Variants in UMAD1 observed in about 807,000 individuals in gnomAD.
UMAD1 encodes UBAP1-MVB12-associated (UMA) domain containing 1.
Under a neutral mutation model 6.1 loss-of-function variants are expected in UMAD1, and 8 were observed. The observed-to-expected ratio is 1.30, with a 90% CI of 0.76 to 2.35. The LOEUF is 2.35. Ranked by LOEUF, UMAD1 falls within the 30% of genes most tolerant of loss-of-function variation. UMAD1 has a pLI of 0.00. For missense variants in UMAD1, 130 were observed against 78.4 expected (o/e 1.66, Z -2.49); for synonymous variants, 56 against 31.4 (o/e 1.78, Z -2.61).
chr7:7,654,006 T>A (rs1003626714), intron 1 of UMAD1, among the ~76,000 whole-genome samples: 1 of 152,166 alleles, frequency 6.6e-6, no homozygotes, highest in Non-Finnish European at 1.5e-5. Context: ...ATTAGTAGAT[T>A]GAGGGGAGAC....
At chr7:7,855,840 C>T (rs922117762) in intron 3 of UMAD1, among the ~76,000 whole-genome samples, 5 of 152,180 alleles carry the variant, frequency 3.3e-5, no homozygotes, top group African/African-American at 9.7e-5. Context: ...CTCTTGAATG[C>T]TTTGCTGCTT....
At chr7:7,745,876 C>T (rs972074691) in intron 2 of UMAD1, among the ~76,000 whole-genome samples, 7 of 152,086 alleles carry the variant, frequency 4.6e-5, no homozygotes, top group Admixed American at 1.3e-4. Context: ...CTTGTCTTTT[C>T]CTGGGCTGTT....
At chr7:7,831,566 T>C (rs982073201) in intron 3 of UMAD1, among the ~76,000 whole-genome samples, 2 of 152,160 alleles carry the variant, frequency 1.3e-5, no homozygotes, top group Non-Finnish European at 2.9e-5. Context: ...CTCTTTTTTG[T>C]TGATTACGTG....
chr7:7,739,946 C>T (rs1781430308), intron 2 of UMAD1, among the ~76,000 whole-genome samples: 1 of 152,238 alleles, frequency 6.6e-6, no homozygotes, highest in Non-Finnish European at 1.5e-5. Context: ...AGCATCCTTG[C>T]TACCTGTGTC....
chr7:7,857,373 G>C lies in UMAD1; in HGVS notation c.157-19908G>C, dbSNP rs1583876848. On this transcript the variant is annotated intron_variant, in intron 3 of 3. Transcript: ENST00000682710. ...GGGCCCAGATCATGTGTTTCAGCCTGTTAAAGGCAAGGTATATTTTCATTT... is the reference window on the plus strand; with the variant it reads ...GGGCCCAGATCATGTGTTTCAGCCTCTTAAAGGCAAGGTATATTTTCATTT... 2.0e-5 allele frequency among the ~76,000 whole-genome samples: 3 copies of C among 152,322 alleles called. No individual in the cohort carries two copies. The South Asian group carries it at 6.2e-4, about 32-fold the overall frequency.
intron 2 of UMAD1, among the ~76,000 whole-genome samples, chr7:7,781,449 T>C (rs1782342722): frequency 6.6e-6 from 1 of 152,054 alleles, no homozygotes; most frequent in Non-Finnish European, 1.5e-5. Context: ...ATTGCATTGC[T>C]GGCATTTTCT....
chr7:7,783,174 G>C (rs1782385123), intron 2 of UMAD1, among the ~76,000 whole-genome samples: 1 of 152,240 alleles, frequency 6.6e-6, no homozygotes, highest in Non-Finnish European at 1.5e-5. Context: ...GTAAGAGACA[G>C]GCTGGTTGCA....
chr7:7,760,202 G>A (rs1781857644), intron 2 of UMAD1, among the ~76,000 whole-genome samples: 1 of 151,946 alleles, frequency 6.6e-6, no homozygotes, highest in Admixed American at 6.6e-5. Context: ...CAACTTTCTA[G>A]CCATTCTACC....
At chr7:7,716,525 G>A (rs1780908412) in intron 2 of UMAD1, among the ~76,000 whole-genome samples, 1 of 152,216 alleles carries the variant, frequency 6.6e-6, no homozygotes, top group Admixed American at 6.5e-5. Context: ...AGGGCCACTT[G>A]GAAGCCAGGT....
At chr7:7,778,398 T>G (rs1583818208) in intron 2 of UMAD1, among the ~76,000 whole-genome samples, 1 of 152,038 alleles carries the variant, frequency 6.6e-6, no homozygotes, top group African/African-American at 2.4e-5. Context: ...AAATTTTCTG[T>G]AGATTTAAAG....
chr7:7,719,466 CAT>C (rs1412523156), intron 2 of UMAD1, among the ~76,000 whole-genome samples: 3 of 152,188 alleles, frequency 2.0e-5, no homozygotes, highest in Admixed American at 6.5e-5. Context: ...CTCATGAGCA[CAT>C]GTTTCTTCAA....
rs1428704312 is a variant in UMAD1, at chr7:7,867,451, A to G, written c.157-9830A>G. Among the ~76,000 whole-genome samples, 5 of 152,288 alleles carry G rather than the reference A, an allele frequency of 3.3e-5. No homozygotes were observed. In the South Asian group the frequency reaches 6.2e-4, roughly 19 times the overall value. On this transcript the variant is annotated intron_variant, in intron 3 of 3. Transcript: ENST00000682710. Reference sequence around the variant, plus strand: ...AACACCATCACTTGAGAAATAGACAAAAAGAATAAGCAGCTAGACATGTAG... The same window carrying G: ...AACACCATCACTTGAGAAATAGACAGAAAGAATAAGCAGCTAGACATGTAG...
intron 2 of UMAD1, among the ~76,000 whole-genome samples, chr7:7,752,009 T>C (rs1199107541): frequency 6.6e-6 from 1 of 152,176 alleles, no homozygotes; most frequent in Admixed American, 6.5e-5. Flanking sequence ...TTGAAAGATA[T>C]TTTGAAACAT....
chr7:7,704,044 A>G (rs1286680380), intron 2 of UMAD1, among the ~76,000 whole-genome samples: 3 of 152,204 alleles, frequency 2.0e-5, no homozygotes, highest in Non-Finnish European at 4.4e-5. Context: ...TCAAGGAGAT[A>G]CTTTGATGGA....
chr7:7,839,454 C>G (rs1330682951), intron 3 of UMAD1, among the ~76,000 whole-genome samples: 1 of 152,218 alleles, frequency 6.6e-6, no homozygotes, highest in Non-Finnish European at 1.5e-5. Context: ...GGCTCAAGCC[C>G]TTCTCTTGCC....
At chr7:7,796,027 G>C (rs572723371) in intron 2 of UMAD1, among the ~76,000 whole-genome samples, 1 of 152,092 alleles carries the variant, frequency 6.6e-6, no homozygotes, top group South Asian at 2.1e-4. Flanking sequence ...CCTCTGACAA[G>C]GGGACAGAAC....
At chr7:7,802,652 G>A (rs1782826283) in intron 3 of UMAD1, among the ~76,000 whole-genome samples, 1 of 152,166 alleles carries the variant, frequency 6.6e-6, no homozygotes. Flanking sequence ...CTTGAAATGT[G>A]AAACTTTCTA....
At chr7:7,777,907 C>G (rs1782252715) in intron 2 of UMAD1, among the ~76,000 whole-genome samples, 2 of 152,122 alleles carry the variant, frequency 1.3e-5, no homozygotes, top group Admixed American at 6.5e-5. Flanking sequence ...AACTCTAACC[C>G]TGATCTAGCT....
chr7:7,770,756 A>T (rs996892309), intron 2 of UMAD1, among the ~76,000 whole-genome samples: 2 of 151,834 alleles, frequency 1.3e-5, no homozygotes, highest in East Asian at 3.9e-4. Context: ...AAAGTATAAT[A>T]AAAAAAATGA....
Sources: allele counts gnomAD v4.1 joint callset (sites outside exome capture counted in the v4.1 genomes callset), GRCh38; gene constraint gnomAD v4.1.1; transcripts MANE v1.5; gene names NCBI Gene and HGNC (gene_info 2026-07-23, HGNC 2026-07-21).